SYNPR: variants seen among roughly 807,000 people sequenced by gnomAD.
The protein encoded by SYNPR is synaptoporin.
In SYNPR, 23 loss-of-function variants were observed where a neutral mutation model predicts 32.9. That is an observed-to-expected ratio of 0.70 (90% confidence interval 0.50 to 0.99). The LOEUF (loss-of-function observed/expected upper bound fraction) is 0.99. SYNPR is among the 50% of genes least tolerant of loss of function. The probability of loss-of-function intolerance (pLI) is 0.00; values close to 1 mark genes in which losing one functional copy is unlikely to be tolerated. For missense variants in SYNPR, 318 were observed against 349.3 expected (o/e 0.91, Z 0.71); for synonymous variants, 146 against 135.9 (o/e 1.07, Z -0.52).
intron 2 of SYNPR, among the ~76,000 whole-genome samples, chr3:63,375,504 A>G (rs947519085): frequency 4.6e-5 from 7 of 152,144 alleles, no homozygotes; most frequent in African/African-American, 1.7e-4. Context: ...TCTCACTCGT[A>G]GGTGGGAACT....
intron 2 of SYNPR, among the ~76,000 whole-genome samples, chr3:63,309,754 C>A (rs763972450): frequency 2.0e-5 from 3 of 151,892 alleles, no homozygotes; most frequent in Admixed American, 1.3e-4. Context: ...GCTGACCACT[C>A]CTATGCTGAA....
chr3:63,298,108 G>T (rs537755397), intron 2 of SYNPR, among the ~76,000 whole-genome samples: 66 of 152,208 alleles, frequency 4.3e-4, no homozygotes, highest in African/African-American at 1.5e-3. Flanking sequence ...TTCTAATCTT[G>T]TGGCCTATCA....
intron 2 of SYNPR, among the ~76,000 whole-genome samples, chr3:63,348,432 T>C (rs900535779): frequency 2.6e-5 from 4 of 152,182 alleles, no homozygotes; most frequent in African/African-American, 4.8e-5. Flanking sequence ...GGATATCAGT[T>C]ACCTGTTGGT....
intron 2 of SYNPR, among the ~76,000 whole-genome samples, chr3:63,400,577 A>C (rs1193681538): frequency 6.6e-6 from 1 of 152,198 alleles, no homozygotes; most frequent in Non-Finnish European, 1.5e-5. Context: ...CAGGAGAGAG[A>C]TCAAGGAGGA....
intron 2 of SYNPR, among the ~76,000 whole-genome samples, chr3:63,409,471 C>G (rs2107115649): frequency 6.6e-6 from 1 of 152,182 alleles, no homozygotes; most frequent in African/African-American, 2.4e-5. Context: ...CAGGTTTCAG[C>G]AGGTTAATTC....
At chr3:63,228,913 C>G (rs527551620) in intron 1 of SYNPR, among the ~76,000 whole-genome samples, 4 of 151,360 alleles carry the variant, frequency 2.6e-5, no homozygotes, top group Non-Finnish European at 2.9e-5. Context: ...TGAAATGATG[C>G]TATTTCATGC....
At chr3:63,610,518 G>A (rs1700183560) in intron 5 of SYNPR, 1 of 700,006 alleles carries the variant, frequency 1.4e-6, no homozygotes, top group African/African-American at 1.7e-5. Flanking sequence ...AGAGAGAAAG[G>A]GTTGCTACTC....
chr3:63,545,990 A>T (rs1702395175), intron 3 of SYNPR, among the ~76,000 whole-genome samples: 1 of 152,146 alleles, frequency 6.6e-6, no homozygotes, highest in East Asian at 1.9e-4. Context: ...TCAACCGGAC[A>T]TTCAAACTTT....
intron 2 of SYNPR, among the ~76,000 whole-genome samples, chr3:63,351,882 A>G (rs961966394): frequency 3.3e-5 from 5 of 152,186 alleles, no homozygotes; most frequent in African/African-American, 1.2e-4. Context: ...ATGATAATTG[A>G]CTCAGATACT....
At chr3:63,257,616 G>A (rs1337153865) in intron 2 of SYNPR, among the ~76,000 whole-genome samples, 1 of 152,116 alleles carries the variant, frequency 6.6e-6, no homozygotes, top group East Asian at 1.9e-4. Flanking sequence ...GCAAAAACAT[G>A]CCAAATTGTA....
At chr3:63,201,830 A>T in the SYNPR span, among the ~76,000 whole-genome samples, 4 of 152,190 alleles carry the variant, frequency 2.6e-5, no homozygotes, top group Non-Finnish European at 5.9e-5. Context: ...TGGAACAGAG[A>T]TAACCAGAAC....
At position 63,334,221 on chromosome 3, in the gene SYNPR, G is replaced by A. The variant is rs190394064; in HGVS notation, c.84+55479G>A. 3.5e-3 allele frequency among the ~76,000 whole-genome samples: 529 copies of A among 152,288 alleles called. 1 individual carries two copies. The highest frequency in any genetic ancestry group is 5.2e-3 in the Non-Finnish European group (356 of 68,032). The stretch of plus-strand genomic sequence containing the variant: ...AAGCCTAGTGCAGGCAGGAACTAGG[G>A]AGTAGAGGCAAATCTATGTGCTTGT... On this transcript the variant is annotated intron_variant, in intron 2 of 5. Transcript: ENST00000478300.
intron 2 of SYNPR, among the ~76,000 whole-genome samples, chr3:63,427,279 A>G (rs1699909638): frequency 6.6e-6 from 1 of 152,048 alleles, no homozygotes; most frequent in African/African-American, 2.4e-5. Flanking sequence ...TACAAGACAA[A>G]CCATTTCTTG....
chr3:63,550,861 C>T (rs1165989261), intron 3 of SYNPR, among the ~76,000 whole-genome samples: 1 of 152,212 alleles, frequency 6.6e-6, no homozygotes, highest in East Asian at 1.9e-4. Context: ...GCCAAGAAGA[C>T]CCCACAATGG....
intron 1 of SYNPR, among the ~76,000 whole-genome samples, chr3:63,240,434 G>A (rs1472764643): frequency 6.6e-6 from 1 of 152,082 alleles, no homozygotes; most frequent in South Asian, 2.1e-4. Flanking sequence ...AGAAGGGAGA[G>A]GCTTTTTCCT....
At chr3:63,605,114 A>T in intron 4 of SYNPR, among the ~76,000 whole-genome samples, 1 of 152,222 alleles carries the variant, frequency 6.6e-6, no homozygotes, top group East Asian at 1.9e-4. Flanking sequence ...CTGACATCTT[A>T]TGGGAAGAAG....
At chr3:63,416,583 C>G (rs1219545419) in intron 2 of SYNPR, among the ~76,000 whole-genome samples, 1 of 148,378 alleles carries the variant, frequency 6.7e-6, no homozygotes, top group African/African-American at 2.5e-5. Flanking sequence ...TATTGCTATG[C>G]TCCTCAGTGT....
upstream of SYNPR, among the ~76,000 whole-genome samples, chr3:63,276,620 T>TTG (rs1560175989): frequency 2.8e-5 from 4 of 142,148 alleles, no homozygotes; most frequent in Admixed American, 7.3e-5. Context: ...TAGTGTTAGT[T>TTG]CCCCCCACCC....
intron 2 of SYNPR, chr3:63,443,533 T>C: frequency 1.3e-6 from 2 of 1,536,310 alleles, no homozygotes; most frequent in Non-Finnish European, 1.8e-6. Context: ...TGTATGTGTC[T>C]CCATAGGCAC....
Sources: allele counts gnomAD v4.1 joint callset (sites outside exome capture counted in the v4.1 genomes callset), GRCh38; gene constraint gnomAD v4.1.1; transcripts MANE v1.5; gene names NCBI Gene and HGNC (gene_info 2026-07-23, HGNC 2026-07-21).